The following PTPRD variants were observed in gnomAD, a reference collection of about 807,000 sequenced individuals.
PTPRD encodes the protein receptor-type tyrosine-protein phosphatase delta.
A neutral mutation model predicts 214.5 loss-of-function variants in PTPRD; 34 were observed. That is an observed-to-expected ratio of 0.16 (90% CI 0.12 to 0.21). The LOEUF (loss-of-function observed/expected upper bound fraction) is 0.21. Ranked by LOEUF, PTPRD falls within the 10% of genes least tolerant of loss-of-function variation. PTPRD has a pLI of 1.00. For synonymous variants in PTPRD, 1,128 were observed against 845.7 expected, an observed-to-expected ratio of 1.33 and a Z score of -5.79; for missense variants, 2,545 against 2,398.7, an observed-to-expected ratio of 1.06 and a Z score of -1.27.
chr9:9,678,883 A>G (rs2096995965), intron 7 of PTPRD, among the ~76,000 whole-genome samples: 1 of 151,932 alleles, frequency 6.6e-6, no homozygotes, highest in African/African-American at 2.4e-5. Flanking sequence ...GGAAGACAGG[A>G]TCAAAGTGGC....
chr9:9,199,404 G>T (rs1251230242), intron 9 of PTPRD, among the ~76,000 whole-genome samples: 1 of 152,078 alleles, frequency 6.6e-6, no homozygotes, highest in Non-Finnish European at 1.5e-5. Flanking sequence ...TATGCCCTAT[G>T]GTACACACCA....
intron 2 of PTPRD, among the ~76,000 whole-genome samples, chr9:10,588,209 T>C (rs1291384506): frequency 6.6e-6 from 1 of 152,078 alleles, no homozygotes; most frequent in Non-Finnish European, 1.5e-5. Context: ...CAATGACAAA[T>C]TAATGAGTGC....
intron 4 of PTPRD, among the ~76,000 whole-genome samples, chr9:10,006,224 T>G (rs2096471360): frequency 6.6e-6 from 1 of 152,038 alleles, no homozygotes; most frequent in Non-Finnish European, 1.5e-5. Context: ...CATTGATGAT[T>G]TACATCAGTT....
chr9:8,495,435 T>A (rs896636516), intron 26 of PTPRD, among the ~76,000 whole-genome samples: 1 of 152,190 alleles, frequency 6.6e-6, no homozygotes, highest in African/African-American at 2.4e-5. Context: ...ATTAGCAAAA[T>A]AACTCTTTTT....
chr9:9,790,120 A>G (rs1308207004), intron 5 of PTPRD, among the ~76,000 whole-genome samples: 16 of 152,144 alleles, frequency 1.1e-4, no homozygotes, highest in Admixed American at 2.6e-4. Flanking sequence ...TCTGGCTGGG[A>G]ATCTAGACTG....
intron 2 of PTPRD, among the ~76,000 whole-genome samples, chr9:10,495,930 G>A (rs73644473): frequency 0.059 from 8,959 of 151,720 alleles, 850 homozygotes; most frequent in African/African-American, 0.2. Flanking sequence ...AATTGGCTGA[G>A]TTTTTACATT....
At chr9:10,592,341 C>A (rs1237635483) in intron 2 of PTPRD, among the ~76,000 whole-genome samples, 3 of 152,022 alleles carry the variant, frequency 2.0e-5, no homozygotes. Context: ...GGTAAACTTA[C>A]TCATTATTAT....
At chr9:10,003,510 C>T (rs1232426412) in intron 4 of PTPRD, among the ~76,000 whole-genome samples, 1 of 151,090 alleles carries the variant, frequency 6.6e-6, no homozygotes, top group Non-Finnish European at 1.5e-5. Context: ...TTAAAAAGGG[C>T]CGAGATGGTA....
rs148662726 is a variant in PTPRD at position 10,543,639 on chromosome 9, C to A, written c.-600+68759G>T. 6.9e-3 allele frequency among the ~76,000 whole-genome samples: 1,050 copies of A among 152,290 alleles called. 4 individuals are homozygous for A. The highest frequency in any genetic ancestry group is 0.024 in the Middle Eastern group (7 of 294). ...TGTCTTAAGGCATCGTGCTTAAGCA[C>A]AAGATGGGCTAGTTCCTTTGAAGTT... On this transcript the variant is annotated intron_variant, in intron 2 of 45. Transcript: ENST00000381196.
At chr9:8,734,588 C>A (rs2154435510) in intron 11 of PTPRD, among the ~76,000 whole-genome samples, 1 of 152,316 alleles carries the variant, frequency 6.6e-6, no homozygotes, top group Middle Eastern at 3.4e-3. Flanking sequence ...TTATATGCCT[C>A]CTGGGCAAGG....
At chr9:9,957,218 A>C (rs1434744964) in intron 4 of PTPRD, among the ~76,000 whole-genome samples, 1 of 152,230 alleles carries the variant, frequency 6.6e-6, no homozygotes, top group African/African-American at 2.4e-5. Flanking sequence ...CCATGGGAAC[A>C]TTAACAGAGG....
At chr9:10,330,927 G>A (rs2096737965) in intron 3 of PTPRD, among the ~76,000 whole-genome samples, 1 of 151,910 alleles carries the variant, frequency 6.6e-6, no homozygotes, top group Middle Eastern at 3.4e-3. Flanking sequence ...CATCAATATT[G>A]GTGGTGGTGA....
chr9:9,481,983 T>C (rs1488951917), intron 8 of PTPRD, among the ~76,000 whole-genome samples: 2 of 152,164 alleles, frequency 1.3e-5, no homozygotes, highest in Admixed American at 6.6e-5. Context: ...ATGTTTCACT[T>C]TCATCATAAG....
chr9:9,291,554 T>C (rs1201810276), intron 9 of PTPRD, among the ~76,000 whole-genome samples: 1 of 151,408 alleles, frequency 6.6e-6, no homozygotes, highest in Non-Finnish European at 1.5e-5. Context: ...AAAGACCTGA[T>C]TTTGTAATAT....
chr9:10,423,026 T>C (rs1411053375), intron 2 of PTPRD, among the ~76,000 whole-genome samples: 1 of 152,072 alleles, frequency 6.6e-6, no homozygotes, highest in Non-Finnish European at 1.5e-5. Flanking sequence ...TGTGGCACTA[T>C]TCACAATAGC....
In PTPRD at chr9:9,916,879, G is replaced by C. The variant is rs377082121; in HGVS notation, c.-368+21628C>G. The stretch of plus-strand genomic sequence containing the variant: ...TCAAAATCATATCAAGTATCCCATT[G>C]ATCACAATAGAATAAAATGATAACA... On this transcript the variant is annotated intron_variant, in intron 5 of 45. Transcript: ENST00000381196. 2.0e-4 allele frequency among the ~76,000 whole-genome samples: 31 copies of C among 151,826 alleles called. No homozygotes were observed. In the East Asian group the frequency reaches 4.5e-3, roughly 22 times the overall value.
At chr9:10,344,342 T>C (rs932170331) in intron 2 of PTPRD, among the ~76,000 whole-genome samples, 2 of 152,134 alleles carry the variant, frequency 1.3e-5, no homozygotes, top group Non-Finnish European at 2.9e-5. Context: ...TGGTTGTAGA[T>C]GTGTGGTGTT....
chr9:9,574,015 A>G (rs549194593), intron 8 of PTPRD, among the ~76,000 whole-genome samples: 2 of 151,958 alleles, frequency 1.3e-5, no homozygotes, highest in East Asian at 1.9e-4. Context: ...TGGATTTTAT[A>G]TATTTATTAT....
intron 12 of PTPRD, among the ~76,000 whole-genome samples, chr9:8,720,540 C>T (rs1056473234): frequency 6.6e-6 from 1 of 152,104 alleles, no homozygotes; most frequent in Non-Finnish European, 1.5e-5. Flanking sequence ...AACATGATCA[C>T]AATGACAAAA....
Sources: gnomAD v4.1 joint callset for allele counts (sites outside exome capture counted in the v4.1 genomes callset) on GRCh38, gnomAD v4.1.1 for gene constraint, MANE v1.5 for transcripts, NCBI Gene and HGNC (gene_info 2026-07-23, HGNC 2026-07-21) for gene names.